The following ARFIP1 variants were observed in gnomAD, a reference collection of about 807,000 sequenced individuals.
ARFIP1 encodes the protein ARF interacting protein 1.
A neutral mutation model predicts 42.5 loss-of-function variants in ARFIP1; 24 were observed. The observed-to-expected ratio is 0.57, with a 90% CI of 0.41 to 0.80. The LOEUF is 0.80. ARFIP1 is among the 30% of genes least tolerant of loss of function. The pLI, the probability that ARFIP1 is intolerant of heterozygous loss-of-function variation, is 0.00. For synonymous variants in ARFIP1, 141 were observed against 153.7 expected (o/e 0.92, Z 0.61); for missense variants, 354 against 434.0 (o/e 0.82, Z 1.64).
At chr4:152,891,714 CTTG>C (rs1350844917) in intron 8 of ARFIP1, among the ~76,000 whole-genome samples, 1 of 151,868 alleles carries the variant, frequency 6.6e-6, no homozygotes, top group Non-Finnish European at 1.5e-5. Context: ...TTGTTTGTTT[CTTG>C]TTTTTGTTTG....
chr4:152,817,028 T>C (rs1283557439), intron 1 of ARFIP1, among the ~76,000 whole-genome samples: 1 of 152,248 alleles, frequency 6.6e-6, no homozygotes, highest in Non-Finnish European at 1.5e-5. Flanking sequence ...CACTTTAAGT[T>C]TCTAGAAGGC....
chr4:152,804,365 A>ATATT (rs1181422166), intron 1 of ARFIP1, among the ~76,000 whole-genome samples: 1 of 89,368 alleles, frequency 1.1e-5, no homozygotes, highest in African/African-American at 4.6e-5. Flanking sequence ...TGTATTATAT[A>ATATT]TTATATATAA....
At chr4:152,784,624 G>C (rs749954279) in intron 1 of ARFIP1, among the ~76,000 whole-genome samples, 11 of 152,220 alleles carry the variant, frequency 7.2e-5, no homozygotes, top group Non-Finnish European at 1.5e-4. Flanking sequence ...GGTTCAGATT[G>C]AGACATACAA....
intron 8 of ARFIP1, among the ~76,000 whole-genome samples, chr4:152,901,859 C>T (rs1232182548): frequency 6.6e-6 from 1 of 152,140 alleles, no homozygotes; most frequent in African/African-American, 2.4e-5. Context: ...TGCTCCAATC[C>T]TGTGTTAGAT....
At chr4:152,821,556 T>C (rs1051112093) in intron 1 of ARFIP1, among the ~76,000 whole-genome samples, 2 of 151,818 alleles carry the variant, frequency 1.3e-5, no homozygotes, top group African/African-American at 4.8e-5. Flanking sequence ...GAAAAAAAAA[T>C]TGGAAAACTT....
intron 1 of ARFIP1, among the ~76,000 whole-genome samples, chr4:152,786,682 T>G (rs1311619672): frequency 6.6e-6 from 1 of 152,212 alleles, no homozygotes; most frequent in African/African-American, 2.4e-5. Flanking sequence ...CCCCCAGTGC[T>G]TTTATGGCTT....
chr4:152,863,074 G>T (rs1033745425), intron 2 of ARFIP1, among the ~76,000 whole-genome samples: 4 of 152,120 alleles, frequency 2.6e-5, no homozygotes, highest in Admixed American at 2.6e-4. Context: ...CTAATTTGCA[G>T]TTAGGTTAAC....
intron 1 of ARFIP1, among the ~76,000 whole-genome samples, chr4:152,812,257 C>T (rs1729529289): frequency 2.0e-5 from 3 of 152,208 alleles, no homozygotes; most frequent in South Asian, 2.1e-4. Context: ...TGCAGTGGCA[C>T]GATCATGGCT....
intron 6 of ARFIP1, among the ~76,000 whole-genome samples, chr4:152,881,856 G>A (rs372682744): frequency 1.8e-4 from 27 of 152,096 alleles, no homozygotes; most frequent in African/African-American, 6.5e-4. Context: ...TACAGCTATT[G>A]CAATAGCATT....
At chr4:152,857,371 T>C (rs771377668) in intron 2 of ARFIP1, among the ~76,000 whole-genome samples, 16 of 152,218 alleles carry the variant, frequency 1.1e-4, no homozygotes, top group Non-Finnish European at 2.1e-4. Context: ...AAATTCTAAG[T>C]CTCCAATAAA....
At chr4:152,877,519 G>A (rs1174274705) in intron 5 of ARFIP1, among the ~76,000 whole-genome samples, 3 of 152,286 alleles carry the variant, frequency 2.0e-5, no homozygotes, top group African/African-American at 7.2e-5. Flanking sequence ...CATCTCAGAT[G>A]AGACTTTGGA....
chr4:152,877,181 C>T (rs760306882), intron 5 of ARFIP1, among the ~76,000 whole-genome samples: 7 of 152,232 alleles, frequency 4.6e-5, no homozygotes, highest in East Asian at 1.9e-4. Context: ...TAGCTTGCAC[C>T]GTGTACGTGG....
At chr4:152,839,933 G>C (rs553416486) in intron 2 of ARFIP1, among the ~76,000 whole-genome samples, 2 of 152,170 alleles carry the variant, frequency 1.3e-5, no homozygotes, top group East Asian at 3.9e-4. Flanking sequence ...GCACCTCTTT[G>C]CACTTCTTAG....
At chr4:152,885,231 T>C (rs945412235) in intron 7 of ARFIP1, among the ~76,000 whole-genome samples, 10 of 152,102 alleles carry the variant, frequency 6.6e-5, no homozygotes, top group African/African-American at 2.4e-4. Context: ...TTACTGACTT[T>C]TAGGGCAAGG....
At chr4:152,808,216 G>A (rs2149830137) in intron 1 of ARFIP1, among the ~76,000 whole-genome samples, 1 of 145,922 alleles carries the variant, frequency 6.9e-6, no homozygotes, top group Non-Finnish European at 1.5e-5. Flanking sequence ...CCGACCTCAG[G>A]TGATCTTCCC....
intron 1 of ARFIP1, among the ~76,000 whole-genome samples, chr4:152,816,631 T>A (rs1729909144): frequency 6.6e-6 from 1 of 152,246 alleles, no homozygotes; most frequent in Non-Finnish European, 1.5e-5. Flanking sequence ...TTTGTTTGTT[T>A]TTCCCAACTA....
At chr4:152,797,076 A>AT (rs1258174089) in intron 1 of ARFIP1, among the ~76,000 whole-genome samples, 1 of 152,008 alleles carries the variant, frequency 6.6e-6, no homozygotes, top group Non-Finnish European at 1.5e-5. Flanking sequence ...GAATTCATCC[A>AT]TTTTTTTCTA....
chr4:152,851,678 A>C (rs2149866589), intron 2 of ARFIP1, among the ~76,000 whole-genome samples: 1 of 152,350 alleles, frequency 6.6e-6, no homozygotes, highest in South Asian at 2.1e-4. Context: ...GACTGACAGT[A>C]CTAGAGACAT....
intron 2 of ARFIP1, among the ~76,000 whole-genome samples, chr4:152,847,909 G>A (rs1732693311): frequency 6.6e-6 from 1 of 152,162 alleles, no homozygotes; most frequent in Non-Finnish European, 1.5e-5. Flanking sequence ...AATGTAGGGT[G>A]TTTTTACCTA....
Sources: allele counts gnomAD v4.1 joint callset (sites outside exome capture counted in the v4.1 genomes callset), GRCh38; gene constraint gnomAD v4.1.1; transcripts MANE v1.5; gene names NCBI Gene and HGNC (gene_info 2026-07-23, HGNC 2026-07-21).